TCEAL3: variants seen among roughly 807,000 people sequenced by gnomAD.
TCEAL3 encodes transcription elongation factor A like 3.
For synonymous variants in TCEAL3, 41 were observed against 60.2 expected (o/e 0.68, Z 1.48); for missense variants, 99 against 156.4 (o/e 0.63, Z 1.96).
rs1274783155 is a variant in TCEAL3 at position 103,609,771 on chromosome X, T to G, written c.*104T>G. ...CAATGCTTTAACCTTAAGCTGATACTTTGCTTTAGATGTCAGTCTCGTTAC... is the reference window on the plus strand; with the variant it reads ...CAATGCTTTAACCTTAAGCTGATACGTTGCTTTAGATGTCAGTCTCGTTAC... On this transcript the variant is annotated 3_prime_UTR_variant, in exon 3 of 3. Transcript: ENST00000372627. 9.4e-7 allele frequency: 1 copy of G among 1,067,279 alleles called. No individual in the cohort carries two copies. The highest frequency in any genetic ancestry group is 3.2e-5 in the Admixed American group (1 of 31,432). The allele number at this position is 1,067,279 out of a possible 1,213,427, so 88.0% of individuals were successfully genotyped here. A position where few individuals can be genotyped will look rare whatever the true frequency, so the allele number is the denominator to read the frequency against.
At position 103,609,304 on chromosome X, in the gene TCEAL3, C is replaced by T. The variant is rs2073645166; in HGVS notation, c.240C>T (p.Gly80=). 1 of 1,211,639 alleles carries T rather than the reference C, an allele frequency of 8.3e-7. No homozygotes were observed. The highest frequency in any genetic ancestry group is 1.1e-6 in the Non-Finnish European group (1 of 895,508). ...CCGAAGGTGAGGGCAAGCCACAAGG[C>T]GAGGGCAAGCCAGCCTCCCAGGCAA... ...GRSEGEGKPQ[G]EGKPASQAKP... Residue 80 remains glycine, a synonymous_variant, in exon 3 of 3, where the codon GGC becomes GGT. Coordinates refer to ENST00000372627, the MANE Select transcript of TCEAL3 (RefSeq NM_032926.3).
At chrX:103,608,922 G>A in intron 2 of TCEAL3, 116 bp from the exon 3 acceptor site, 1 of 1,037,247 alleles carries the variant, frequency 9.6e-7, no homozygotes, top group East Asian at 3.2e-5. Context: ...TGCCAGCTTA[G>A]GGGAACCCTC....
In TCEAL3 at chrX:103,609,704, A is replaced by C. The variant is rs769685296; in HGVS notation, c.*37A>C. 1 of 1,188,353 alleles carries C rather than the reference A, an allele frequency of 8.4e-7. No homozygotes were observed. The highest frequency in any genetic ancestry group is 1.8e-5 in the African/African-American group (1 of 56,378). On this transcript the variant is annotated 3_prime_UTR_variant, in exon 3 of 3. Coordinates refer to ENST00000372627, the MANE Select transcript of TCEAL3 (RefSeq NM_032926.3). ...TTCCATTCTGATTTCTCTGATGAGAATATTGCTGGCCCTGCTTTCCCTGGT... is the reference window on the plus strand; with the variant it reads ...TTCCATTCTGATTTCTCTGATGAGACTATTGCTGGCCCTGCTTTCCCTGGT...
At chrX:103,608,280 C>T (rs1192784088) in intron 1 of TCEAL3, among the ~76,000 whole-genome samples, 10 of 112,837 alleles carry the variant, frequency 8.9e-5, no homozygotes, top group African/African-American at 2.6e-4. Flanking sequence ...GGGGGGGCAA[C>T]CCCGCAGTGC....
chrX:103,609,490 A>C lies in TCEAL3; in HGVS notation c.426A>C (p.Glu142Asp), dbSNP rs1266101254. Residue 142 changes from glutamate to aspartate, a missense_variant, in exon 3 of 3, where the codon GAA becomes GAC. Physicochemically the swap from Glu to Asp is conservative, Grantham distance 45. Coordinates refer to ENST00000372627, the MANE Select transcript of TCEAL3 (RefSeq NM_032926.3). ...RHLSSEEMMR[E>D]CGDVSRAQEE... ...TGAGCAGTGAGGAGATGATGAGAGAATGTGGAGATGTGTCAAGGGCTCAAG... is the reference window on the plus strand; with the variant it reads ...TGAGCAGTGAGGAGATGATGAGAGACTGTGGAGATGTGTCAAGGGCTCAAG... The C allele has an allele frequency of 8.3e-7, 1 of 1,210,194 alleles. No individual in the cohort carries two copies. The highest frequency in any genetic ancestry group is 1.8e-5 in the African/African-American group (1 of 57,133).
At chrX:103,608,289 G>A (rs187624000) in intron 1 of TCEAL3, among the ~76,000 whole-genome samples, 1 of 112,974 alleles carries the variant, frequency 8.9e-6, no homozygotes, top group Non-Finnish European at 1.9e-5. Flanking sequence ...ACCCCGCAGT[G>A]CAACAGTGAA....
rs1332556428 is a variant in TCEAL3, at chrX:103,609,424, T to C, written c.360T>C (p.Asp120=). 5 of 1,210,156 alleles carry C rather than the reference T, an allele frequency of 4.1e-6. No homozygotes were observed. In the African/African-American group the frequency reaches 7.0e-5, roughly 17 times the overall value. ...AKRKTDRGTD[D]SPKDSQEDLQ... is the part of the protein sequence containing the mutation. ...GAAAAACGGACAGGGGGACGGACGA[T>C]TCCCCCAAGGACTCTCAGGAGGACT... Residue 120 remains aspartate, a synonymous_variant, in exon 3 of 3, where the codon GAT becomes GAC. Coordinates refer to ENST00000372627, the MANE Select transcript of TCEAL3 (RefSeq NM_032926.3).
At chrX:103,608,709 A>AG (rs1016401045) in intron 2 of TCEAL3, 36 bp downstream of exon 2, 16 of 506,309 alleles carry the variant, frequency 3.2e-5, no homozygotes, top group Non-Finnish European at 4.6e-5. Flanking sequence ...CTCAATGGAC[A>AG]GGGCCCTATA....
intron 2 of TCEAL3, 133 bp from the exon 3 acceptor site, chrX:103,608,905 G>C (rs2073642380): frequency 1.1e-6 from 1 of 936,574 alleles, no homozygotes; most frequent in African/African-American, 2.0e-5. Flanking sequence ...GGCCCTCTTG[G>C]GGGCCCTGCC....
rs1470383991 is a variant in TCEAL3 at position 103,609,494 on chromosome X, GGAGAT to G, written c.432_436del (p.Asp145ValfsTer43). On this transcript the variant is annotated frameshift_variant, in exon 3 of 3. Transcript: ENST00000372627. LOFTEE classifies it high-confidence loss of function. ...CAGTGAGGAGATGATGAGAGAATGT[GGAGAT>G]GTGTCAAGGGCTCAAGAGGAGCTAA... is the stretch of plus-strand genomic sequence containing the variant. The G allele has an allele frequency of 1.7e-6, 2 of 1,210,219 alleles. No individual in the cohort carries two copies. The highest frequency in any genetic ancestry group is 2.2e-6 in the Non-Finnish European group (2 of 895,300).
rs1286299031 is a variant in TCEAL3 at position 103,609,524 on chromosome X, A to G, written c.460A>G (p.Arg154Gly). 4 of 1,210,087 alleles carry G rather than the reference A, an allele frequency of 3.3e-6. No homozygotes were observed. The highest frequency in any genetic ancestry group is 4.5e-6 in the Non-Finnish European group (4 of 895,282). Residue 154 changes from arginine to glycine, a missense_variant, in exon 3 of 3, where the codon AGG (arginine) becomes GGG (glycine). Physicochemically the swap from Arg to Gly is moderately radical, Grantham distance 125. Transcript: ENST00000372627. ...GDVSRAQEELRKKQKMGGFHW... is the reference protein window; with the variant it reads ...GDVSRAQEELGKKQKMGGFHW... ...TGTGTCAAGGGCTCAAGAGGAGCTA[A>G]GGAAAAAACAGAAAATGGGTGGTTT...
intron 1 of TCEAL3, among the ~76,000 whole-genome samples, chrX:103,608,324 C>T (rs1217866192): frequency 1.8e-5 from 2 of 112,597 alleles, no homozygotes; most frequent in African/African-American, 6.4e-5. Flanking sequence ...TGGAAATAAC[C>T]GCCTCTCACA....
intron 2 of TCEAL3, 97 bp from the exon 3 acceptor site, chrX:103,608,941 T>C: frequency 9.3e-7 from 1 of 1,074,671 alleles, no homozygotes. Context: ...TCACCAGGGG[T>C]GAGATGCAAG....
At position 103,609,457 on chromosome X, in the gene TCEAL3, A is replaced by C. The variant is rs1238666576; in HGVS notation, c.393A>C (p.Glu131Asp). ...AGGACTCTCAGGAGGACTTACAGGA[A>C]AGGCATCTGAGCAGTGAGGAGATGA... ...SPKDSQEDLQ[E>D]RHLSSEEMMR... is the part of the protein sequence containing the mutation. The change falls in exon 3 of 3, where the codon GAA (glutamate) becomes GAC (aspartate). Residue 131 changes from glutamate to aspartate, a missense_variant. Glu to Asp is a conservative substitution (Grantham distance 45, BLOSUM62 2). Coordinates refer to ENST00000372627, the MANE Select transcript of TCEAL3 (RefSeq NM_032926.3). 7 of 1,210,322 alleles carry C rather than the reference A, an allele frequency of 5.8e-6. No homozygotes were observed. In the Admixed American group the frequency reaches 8.7e-5, roughly 15 times the overall value.
Position 103,609,815 on chromosome X carries a change from A to G in TCEAL3, c.*148A>G. 3 of 725,483 alleles carry G rather than the reference A, an allele frequency of 4.1e-6. No homozygotes were observed. Among genetic ancestry groups the G allele is most frequent in the Non-Finnish European group, 5.9e-6 (3 of 509,234 alleles). 59.8% of individuals were successfully genotyped at this position (725,483 alleles called of 1,213,427 possible). The stretch of plus-strand genomic sequence containing the variant: ...TCGTTACCAGCAGCCTTTTGACCCA[A>G]CTACGGCGCTCTATATTTTAGTAGA... On this transcript the variant is annotated 3_prime_UTR_variant, in exon 3 of 3. Coordinates refer to ENST00000372627, the MANE Select transcript of TCEAL3 (RefSeq NM_032926.3).
intron 1 of TCEAL3, 24 bp from the exon 2 acceptor site, chrX:103,608,580 C>A: frequency 1.8e-6 from 1 of 557,319 alleles, no homozygotes; most frequent in Non-Finnish European, 2.8e-6. Context: ...GCAGCCCCTA[C>A]CCCTGTCTCC....
chrX:103,608,228 GCACTGAGCCGTCCATC>G lies in TCEAL3; in HGVS notation c.-98+173_-98+188del, dbSNP rs776117127. On this transcript the variant is annotated intron_variant, in intron 1 of 2. Transcript: ENST00000372627. ...TGGCCCGCCTTCTCGACGACCCCCTGCACTGAGCCGTCCATCCATTTTAGTACTGGAAATGGAGTAC... is the reference window on the plus strand; with the variant it reads ...TGGCCCGCCTTCTCGACGACCCCCTGCATTTTAGTACTGGAAATGGAGTAC... Among the ~76,000 whole-genome samples the G allele has an allele frequency of 2.5e-3, 278 of 112,951 alleles. 3 individuals carry two copies. Among genetic ancestry groups the G allele is most frequent in the Middle Eastern group, 4.7e-3 (1 of 214 alleles).
In TCEAL3 at chrX:103,609,089, G is replaced by A. The variant is rs1436515162; in HGVS notation, c.25G>A (p.Glu9Lys). The A allele has an allele frequency of 7.5e-6, 9 of 1,206,455 alleles. No individual in the cohort carries two copies. The highest frequency in any genetic ancestry group is 1.0e-5 in the Non-Finnish European group (9 of 893,958). MEKPYNKN[E>K]GNLENEGKPE... ...CATGGAAAAACCCTACAATAAAAAT[G>A]AAGGAAACCTGGAAAACGAGGGAAA... is the stretch of plus-strand genomic sequence containing the variant. The change falls in exon 3 of 3, where the codon GAA (glutamate) becomes AAA (lysine). Residue 9 changes from glutamate to lysine, a missense_variant. Physicochemically the swap from Glu to Lys is moderately conservative, Grantham distance 56. Transcript: ENST00000372627.
intron 2 of TCEAL3, 95 bp downstream of exon 2, chrX:103,608,768 C>A: frequency 2.2e-6 from 1 of 446,974 alleles, no homozygotes; most frequent in Non-Finnish European, 3.7e-6. Context: ...GGGGCCCCTG[C>A]CCATCCCCCA....
Sources: allele counts gnomAD v4.1 joint callset (sites outside exome capture counted in the v4.1 genomes callset), GRCh38; gene constraint gnomAD v4.1.1; transcripts MANE v1.5; gene names NCBI Gene and HGNC (gene_info 2026-07-23, HGNC 2026-07-21).